PLEKHG1: variants seen among roughly 807,000 people sequenced by gnomAD.
The protein encoded by PLEKHG1 is pleckstrin homology and RhoGEF domain containing G1, also known as pleckstrin homology domain-containing family G member 1.
A neutral mutation model predicts 100.8 loss-of-function variants in PLEKHG1; 44 were observed. The ratio of observed to expected loss-of-function variants is 0.44; its 90% CI spans 0.34 to 0.56. The LOEUF (loss-of-function observed/expected upper bound fraction) is 0.56, where lower values mean the gene tolerates loss of function less well. Among genes scored for constraint, PLEKHG1 ranks in the 20% least tolerant of loss-of-function variants. The pLI, the probability that PLEKHG1 is intolerant of heterozygous loss-of-function variation, is 0.01. For synonymous variants in PLEKHG1, 640 were observed against 662.5 expected (o/e 0.97, Z 0.52); for missense variants, 1,545 against 1,720.9 (o/e 0.90, Z 1.81).
chr6:150,769,317 C>A (rs1784595402), intron 3 of PLEKHG1, among the ~76,000 whole-genome samples: 2 of 152,054 alleles, frequency 1.3e-5, no homozygotes, highest in South Asian at 4.1e-4. Flanking sequence ...CATGGTGGCT[C>A]ACACCTGTAA....
At chr6:150,653,523 G>A (rs944093406) in intron 3 of PLEKHG1, among the ~76,000 whole-genome samples, 19 of 152,058 alleles carry the variant, frequency 1.2e-4, no homozygotes, top group African/African-American at 4.3e-4. Flanking sequence ...CCAGTGGATC[G>A]CTTGAGCCTA....
At chr6:150,620,487 G>A (rs1306935562) in intron 1 of PLEKHG1, among the ~76,000 whole-genome samples, 1 of 152,190 alleles carries the variant, frequency 6.6e-6, no homozygotes, top group East Asian at 1.9e-4. Flanking sequence ...GAGGGGAAGG[G>A]CTCTATGTAA....
At chr6:150,752,110 T>G (rs1783551984) in intron 2 of PLEKHG1, among the ~76,000 whole-genome samples, 1 of 151,976 alleles carries the variant, frequency 6.6e-6, no homozygotes, top group Non-Finnish European at 1.5e-5. Context: ...CACTTGAACC[T>G]GGGAGGCAGA....
chr6:150,816,053 A>T (rs1741982190), intron 10 of PLEKHG1, among the ~76,000 whole-genome samples: 1 of 152,148 alleles, frequency 6.6e-6, no homozygotes, highest in Non-Finnish European at 1.5e-5. Flanking sequence ...GCTCACCATA[A>T]TGTGGAATCA....
chr6:150,778,151 G>T (rs9478817), intron 3 of PLEKHG1, among the ~76,000 whole-genome samples: 1 of 152,034 alleles, frequency 6.6e-6, no homozygotes, highest in South Asian at 2.1e-4. Context: ...TTTTTGAGAC[G>T]GAGTCTCACT....
chr6:150,735,782 C>G (rs1026264562), intron 2 of PLEKHG1, among the ~76,000 whole-genome samples: 4 of 152,060 alleles, frequency 2.6e-5, no homozygotes, highest in African/African-American at 9.7e-5. Context: ...ACTAGTCTAC[C>G]TAATCTAAAA....
rs796420220 is a variant in PLEKHG1, at chr6:150,753,898, G to A, written c.412-14740G>A. Among the ~76,000 whole-genome samples the A allele has an allele frequency of 3.9e-5, 6 of 152,288 alleles. 1 individual carries two copies. The highest frequency in any genetic ancestry group is 1.4e-4 in the African/African-American group (6 of 41,566). Reference sequence around the variant, plus strand: ...CTAGAGAGGGAGCAGCGGGGGCACCGTTAACCCTTGCCTTCCTGTGCTCTG... The same window carrying A: ...CTAGAGAGGGAGCAGCGGGGGCACCATTAACCCTTGCCTTCCTGTGCTCTG... On this transcript the variant is annotated intron_variant, in intron 2 of 15. Transcript: ENST00000358517.
rs530339651 is a variant in PLEKHG1 at position 150,831,586 on chromosome 6, G to T, written c.2475G>T (p.Lys825Asn). Residue 825 changes from lysine to asparagine, a missense_variant, in exon 15 of 16, where the codon AAG becomes AAT. Lys to Asn is a moderately conservative substitution (Grantham distance 94). Transcript: ENST00000358517. The surrounding 1 kb of genome is among the most constrained non-coding windows in gnomAD (Gnocchi z 4.1). ...GTGGTAACTTGTCTATGCCTCATAA[G>T]CCTGTATCTGATAAACTGTCCGAAG... 7 of 1,614,182 alleles carry T rather than the reference G, an allele frequency of 4.3e-6. No homozygotes were observed. The South Asian group carries it at 7.7e-5, about 18-fold the overall frequency.
exon 16 of PLEKHG1, chr6:150,840,193 C>T (rs1449081373): frequency 1.2e-6 from 2 of 1,614,168 alleles, no homozygotes; most frequent in Admixed American, 1.7e-5. Context: ...GTAAGTCAGC[C>T]CAACAAAGAG....
At chr6:150,834,750 G>A (rs1388337412) in intron 15 of PLEKHG1, among the ~76,000 whole-genome samples, 1 of 152,102 alleles carries the variant, frequency 6.6e-6, no homozygotes, top group Non-Finnish European at 1.5e-5. Context: ...TCTTGACATG[G>A]TGGGCTCCTG....
At chr6:150,658,667 T>C (rs553183912) in intron 3 of PLEKHG1, among the ~76,000 whole-genome samples, 1 of 152,266 alleles carries the variant, frequency 6.6e-6, no homozygotes, top group South Asian at 2.1e-4. Context: ...AACTCCTAAC[T>C]CTCCTCTTTG....
intron 3 of PLEKHG1, among the ~76,000 whole-genome samples, chr6:150,692,666 G>C (rs1017959472): frequency 1.2e-4 from 18 of 152,350 alleles, no homozygotes; most frequent in African/African-American, 4.3e-4. Context: ...TTTTAAGGGA[G>C]AGTATAGAGT....
chr6:150,695,875 G>A (rs997858481), intron 3 of PLEKHG1, among the ~76,000 whole-genome samples: 1 of 152,090 alleles, frequency 6.6e-6, no homozygotes, highest in Non-Finnish European at 1.5e-5. Context: ...ATTTTGTGTC[G>A]TAAATAGCTG....
intron 2 of PLEKHG1, among the ~76,000 whole-genome samples, chr6:150,639,175 AGT>A (rs1483656200): frequency 2.6e-5 from 4 of 152,346 alleles, no homozygotes; most frequent in South Asian, 2.1e-4. Flanking sequence ...CTCTGAGTAC[AGT>A]GTTTTAAAAT....
chr6:150,722,720 T>C (rs897312332), intron 1 of PLEKHG1, among the ~76,000 whole-genome samples: 12 of 152,318 alleles, frequency 7.9e-5, no homozygotes, highest in Middle Eastern at 3.4e-3. Context: ...GTGCTATTGT[T>C]AGTCACTTGG....
At position 150,831,379 on chromosome 6, in the gene PLEKHG1, G is replaced by A. The variant is rs141130250; in HGVS notation, c.2268G>A (p.Lys756=). The change falls in exon 15 of 16, where the codon AAG becomes AAA. Residue 756 remains lysine, a synonymous_variant. Transcript: ENST00000358517. The surrounding 1 kb of genome is among the most constrained non-coding windows in gnomAD (Gnocchi z 4.1). The stretch of plus-strand genomic sequence containing the variant: ...CAGATCCTCCGTCGCTGGGTTTTAA[G>A]TGCAGCAGCCTAAAGCGTGCAAAGC... 2 of 1,614,128 alleles carry A rather than the reference G, an allele frequency of 1.2e-6. No individual in the cohort carries two copies. Among genetic ancestry groups the A allele is most frequent in the African/African-American group, 1.3e-5 (1 of 75,068 alleles).
intron 3 of PLEKHG1, among the ~76,000 whole-genome samples, chr6:150,701,708 G>A (rs1015748417): frequency 6.7e-6 from 1 of 149,694 alleles, no homozygotes; most frequent in Admixed American, 6.7e-5. Context: ...TCTAGTGATG[G>A]GGATGTATGT....
intron 3 of PLEKHG1, among the ~76,000 whole-genome samples, chr6:150,699,836 T>C (rs1228928776): frequency 1.3e-5 from 2 of 152,220 alleles, no homozygotes; most frequent in Non-Finnish European, 2.9e-5. Flanking sequence ...TGAATTACAA[T>C]GTCAACAAAA....
chr6:150,705,160 C>T (rs1780952384), intron 3 of PLEKHG1, among the ~76,000 whole-genome samples: 1 of 152,272 alleles, frequency 6.6e-6, no homozygotes, highest in East Asian at 1.9e-4. Flanking sequence ...TACTAACAAT[C>T]ACCAGTTTTT....
Sources: allele counts gnomAD v4.1 joint callset (sites outside exome capture counted in the v4.1 genomes callset), GRCh38; gene constraint gnomAD v4.1.1; non-coding constraint Gnocchi (gnomAD v3.1); transcripts MANE v1.5; gene names NCBI Gene and HGNC (gene_info 2026-07-23, HGNC 2026-07-21).